Variants in PTPRQ observed in about 807,000 individuals in gnomAD.
PTPRQ encodes phosphatidylinositol phosphatase PTPRQ.
In PTPRQ, 199 loss-of-function variants were observed where a neutral mutation model predicts 246.0. The observed-to-expected ratio is 0.81, with a 90% confidence interval of 0.72 to 0.91. The LOEUF is 0.91. PTPRQ is among the 40% of genes least tolerant of loss of function. The probability of loss-of-function intolerance (pLI) is 0.00; values close to 1 mark genes in which losing one functional copy is unlikely to be tolerated. For synonymous variants in PTPRQ, 869 were observed against 853.2 expected (o/e 1.02, Z -0.32); for missense variants, 2,624 against 2,528.4 (o/e 1.04, Z -0.81).
chr12:80,559,920 C>A (rs1896775403), intron 25 of PTPRQ, among the ~76,000 whole-genome samples: 1 of 152,062 alleles, frequency 6.6e-6, no homozygotes, highest in African/African-American at 2.4e-5. Context: ...TTCCTCCAAC[C>A]ACAGGCTACT....
chr12:80,645,621 A>G (rs1202970357), intron 35 of PTPRQ, among the ~76,000 whole-genome samples: 2 of 151,894 alleles, frequency 1.3e-5, no homozygotes, highest in Non-Finnish European at 1.5e-5. Context: ...GCAGGGACTT[A>G]AATAGCCATA....
At chr12:80,545,310 T>C (rs992412007) in intron 23 of PTPRQ, among the ~76,000 whole-genome samples, 1 of 152,156 alleles carries the variant, frequency 6.6e-6, no homozygotes, top group Non-Finnish European at 1.5e-5. Context: ...AGAGATTCAG[T>C]AAGCCCCTAA....
chr12:80,642,935 A>AAAAAC (rs1555210244), intron 35 of PTPRQ, among the ~76,000 whole-genome samples: 1 of 145,560 alleles, frequency 6.9e-6, no homozygotes, highest in East Asian at 1.9e-4. Flanking sequence ...AAAAAAAAAA[A>AAAAAC]AAAAAAAAAA....
chr12:80,625,155 G>A (rs1372841886), intron 33 of PTPRQ, among the ~76,000 whole-genome samples: 2 of 152,178 alleles, frequency 1.3e-5, no homozygotes, highest in African/African-American at 2.4e-5. Context: ...ATGAAGGCAG[G>A]CAAATAATAA....
chr12:80,466,979 G>A (rs11114465), intron 6 of PTPRQ, among the ~76,000 whole-genome samples: 28,266 of 150,062 alleles, frequency 0.19, 2,826 homozygotes, highest in Middle Eastern at 0.24. Flanking sequence ...ACCAAAAGCA[G>A]TGGCAACAAA....
intron 14 of PTPRQ, among the ~76,000 whole-genome samples, chr12:80,500,190 G>A (rs1032579452): frequency 6.6e-6 from 1 of 151,862 alleles, no homozygotes; most frequent in African/African-American, 2.4e-5. Flanking sequence ...TATCATCATG[G>A]ACTATGTATT....
At chr12:80,553,508 C>T (rs1432187383) in intron 25 of PTPRQ, among the ~76,000 whole-genome samples, 1 of 152,114 alleles carries the variant, frequency 6.6e-6, no homozygotes, top group Non-Finnish European at 1.5e-5. Context: ...CTCTGAGTCA[C>T]TGACTCCGTA....
At chr12:80,667,514 A>G (rs1900824793) in intron 39 of PTPRQ, among the ~76,000 whole-genome samples, 1 of 151,956 alleles carries the variant, frequency 6.6e-6, no homozygotes, top group Admixed American at 6.6e-5. Flanking sequence ...TGCATACATA[A>G]TATACATTAA....
At chr12:80,621,786 C>A (rs1455592905) in intron 32 of PTPRQ, among the ~76,000 whole-genome samples, 1 of 151,946 alleles carries the variant, frequency 6.6e-6, no homozygotes, top group Non-Finnish European at 1.5e-5. Flanking sequence ...AGGAGGTGAG[C>A]TGATTCAGTT....
chr12:80,505,557 A>G (rs10778755), intron 14 of PTPRQ, among the ~76,000 whole-genome samples: 48,538 of 151,662 alleles, frequency 0.32, 9,011 homozygotes, highest in African/African-American at 0.51. Flanking sequence ...TTCTTGGGAG[A>G]TGGTTTTGCT....
chr12:80,541,511 A>G, intron 20 of PTPRQ, 44 bp from the exon 21 acceptor site: 2 of 1,377,044 alleles, frequency 1.5e-6, no homozygotes, highest in East Asian at 2.6e-5. Flanking sequence ...GATTCTGTTT[A>G]GGGTAACTGA....
At chr12:80,486,220 T>C (rs1254628037) in intron 9 of PTPRQ, among the ~76,000 whole-genome samples, 2 of 152,172 alleles carry the variant, frequency 1.3e-5, no homozygotes, top group Non-Finnish European at 2.9e-5. Context: ...GTAAGTGCTG[T>C]GCTAAATAAT....
intron 17 of PTPRQ, among the ~76,000 whole-genome samples, chr12:80,532,788 C>T (rs1054137374): frequency 6.6e-6 from 1 of 152,176 alleles, no homozygotes; most frequent in Non-Finnish European, 1.5e-5. Context: ...CTGCCTGTCT[C>T]CAATCACATA....
At chr12:80,562,766 T>A (rs1459775937) in intron 25 of PTPRQ, among the ~76,000 whole-genome samples, 1 of 151,900 alleles carries the variant, frequency 6.6e-6, no homozygotes, top group Non-Finnish European at 1.5e-5. Flanking sequence ...AGGCAGGGAA[T>A]AATAAAATGC....
intron 32 of PTPRQ, among the ~76,000 whole-genome samples, chr12:80,621,418 G>C (rs762562100): frequency 1.5e-4 from 23 of 151,762 alleles, no homozygotes; most frequent in Non-Finnish European, 2.4e-4. Context: ...CAACGTATTG[G>C]TTTTATGTTT....
intron 18 of PTPRQ, 33 bp downstream of exon 18, chr12:80,534,208 G>A (rs758678146): frequency 2.1e-5 from 30 of 1,420,604 alleles, no homozygotes; most frequent in Non-Finnish European, 2.8e-5. Context: ...TTAAAAGAAT[G>A]TTCTTTTTCT....
intron 14 of PTPRQ, among the ~76,000 whole-genome samples, chr12:80,501,920 CAGATTA>C: frequency 6.8e-6 from 1 of 146,746 alleles, no homozygotes; most frequent in Middle Eastern, 3.4e-3. Context: ...AAAATGAAGT[CAGATTA>C]ACAGAGTATG....
intron 17 of PTPRQ, among the ~76,000 whole-genome samples, chr12:80,521,907 T>A (rs2120758161): frequency 6.6e-6 from 1 of 152,298 alleles, no homozygotes; most frequent in South Asian, 2.1e-4. Flanking sequence ...AAGAAAGTCA[T>A]TGCTAGCTTG....
At chr12:80,543,475 C>G (rs989446361) in intron 23 of PTPRQ, among the ~76,000 whole-genome samples, 1 of 151,932 alleles carries the variant, frequency 6.6e-6, no homozygotes, top group Non-Finnish European at 1.5e-5. Flanking sequence ...TCTGTGATTT[C>G]TAGCATTTAA....
Sources: gnomAD v4.1 joint callset for allele counts (sites outside exome capture counted in the v4.1 genomes callset) on GRCh38, gnomAD v4.1.1 for gene constraint, MANE v1.5 for transcripts, NCBI Gene and HGNC (gene_info 2026-07-23, HGNC 2026-07-21) for gene names.